TTC29: variants seen among roughly 807,000 people sequenced by gnomAD.
TTC29 encodes tetratricopeptide repeat protein 29.
Under a neutral mutation model 58.1 loss-of-function variants are expected in TTC29, and 49 were observed. That is an observed-to-expected ratio of 0.84 (90% CI 0.67 to 1.07). TTC29 has a LOEUF of 1.07. Among genes scored for constraint, TTC29 ranks in the 50% least tolerant of loss-of-function variants. TTC29 has a pLI of 0.00. For missense variants in TTC29, 582 were observed against 555.6 expected, an observed-to-expected ratio of 1.05 and a Z score of -0.48; for synonymous variants, 209 against 196.8, an observed-to-expected ratio of 1.06 and a Z score of -0.52.
chr4:146,931,866 A>C (rs1396017447), intron 4 of TTC29, among the ~76,000 whole-genome samples: 1 of 152,190 alleles, frequency 6.6e-6, no homozygotes, highest in African/African-American at 2.4e-5. Flanking sequence ...TTTTGTACCT[A>C]GTGAACATTG....
chr4:146,819,540 T>C (rs1358569045), intron 10 of TTC29, among the ~76,000 whole-genome samples: 2 of 152,234 alleles, frequency 1.3e-5, no homozygotes, highest in Non-Finnish European at 1.5e-5. Flanking sequence ...CAAAAGTCCA[T>C]TGTGACCAGT....
intron 11 of TTC29, among the ~76,000 whole-genome samples, chr4:146,787,210 T>A (rs1749089195): frequency 1.3e-5 from 2 of 152,198 alleles, no homozygotes; most frequent in South Asian, 4.1e-4. Flanking sequence ...TGATGGTACA[T>A]GAATAGCATC....
intron 6 of TTC29, among the ~76,000 whole-genome samples, chr4:146,879,857 A>G (rs998228089): frequency 3.3e-5 from 5 of 152,198 alleles, no homozygotes; most frequent in Admixed American, 6.6e-5. Flanking sequence ...GGACAAAAAA[A>G]GAAGGCCTGG....
chr4:146,786,139 AGTT>A (rs1001828964), intron 11 of TTC29, among the ~76,000 whole-genome samples: 5 of 152,248 alleles, frequency 3.3e-5, no homozygotes, highest in Admixed American at 2.6e-4. Flanking sequence ...TTATGAGTGG[AGTT>A]GTTTTCTGAA....
At position 146,718,093 on chromosome 4, in the gene TTC29, T is replaced by A. The variant is rs74711175; in HGVS notation, c.1331-10542A>T. Among the ~76,000 whole-genome samples, 657 of 152,278 alleles carry A rather than the reference T, an allele frequency of 4.3e-3. 5 individuals carry two copies. Among genetic ancestry groups the A allele is most frequent in the African/African-American group, 0.015 (630 of 41,586 alleles). ...TCATTTTTTAAGGCTGAATAATACT[T>A]CATTATATATATATCACATTTTCTT... On this transcript the variant is annotated intron_variant, in intron 11 of 12. Transcript: ENST00000325106.
At chr4:146,920,378 A>C (rs1734500518) in intron 4 of TTC29, among the ~76,000 whole-genome samples, 1 of 151,148 alleles carries the variant, frequency 6.6e-6, no homozygotes, top group South Asian at 2.1e-4. Context: ...AACATATTAA[A>C]AATAATGGCA....
chr4:146,901,661 C>A (rs1237157308), intron 6 of TTC29, among the ~76,000 whole-genome samples: 3 of 152,164 alleles, frequency 2.0e-5, no homozygotes, highest in African/African-American at 7.2e-5. Context: ...TGCATCTTCC[C>A]TCTGGAACCC....
At chr4:146,931,148 A>C (rs1475247966) in intron 4 of TTC29, among the ~76,000 whole-genome samples, 1 of 152,010 alleles carries the variant, frequency 6.6e-6, no homozygotes, top group Non-Finnish European at 1.5e-5. Flanking sequence ...TTGAAGTTCA[A>C]TCTGGGCAAC....
chr4:146,793,267 A>C (rs1579686091), intron 11 of TTC29, among the ~76,000 whole-genome samples: 1 of 152,294 alleles, frequency 6.6e-6, no homozygotes. Context: ...TGAAAGGAAG[A>C]GTCAATCAAT....
chr4:146,782,069 A>G (rs1346572531), intron 11 of TTC29, among the ~76,000 whole-genome samples: 1 of 151,938 alleles, frequency 6.6e-6, no homozygotes, highest in East Asian at 1.9e-4. Flanking sequence ...GCCAATGAAA[A>G]CATGGCATTT....
chr4:146,784,577 G>T (rs1430684715), intron 11 of TTC29, among the ~76,000 whole-genome samples: 1 of 152,142 alleles, frequency 6.6e-6, no homozygotes, highest in East Asian at 1.9e-4. Flanking sequence ...AAAGACCCAA[G>T]AGGGCTCATT....
intron 8 of TTC29, among the ~76,000 whole-genome samples, chr4:146,848,283 T>C (rs538149857): frequency 1.3e-5 from 2 of 152,304 alleles, no homozygotes; most frequent in Non-Finnish European, 2.9e-5. Flanking sequence ...AAATTCAAGA[T>C]ATACTTCCAC....
chr4:146,759,441 C>G (rs1017563590), intron 11 of TTC29, among the ~76,000 whole-genome samples: 1 of 152,026 alleles, frequency 6.6e-6, no homozygotes, highest in Non-Finnish European at 1.5e-5. Context: ...TCTATGAAGC[C>G]AGCATAACCC....
intron 9 of TTC29, among the ~76,000 whole-genome samples, chr4:146,821,546 C>T (rs140134352): frequency 8.9e-4 from 136 of 152,266 alleles, no homozygotes; most frequent in African/African-American, 3.1e-3. Context: ...ACAAGTGTTA[C>T]ATATCCTCAC....
At chr4:146,850,189 A>C (rs567473489) in intron 8 of TTC29, among the ~76,000 whole-genome samples, 1 of 152,340 alleles carries the variant, frequency 6.6e-6, no homozygotes, top group East Asian at 1.9e-4. Context: ...TATGTTCTTA[A>C]GACTACATGT....
chr4:146,717,815 A>C (rs1043827312), intron 11 of TTC29, among the ~76,000 whole-genome samples: 1 of 152,158 alleles, frequency 6.6e-6, no homozygotes, highest in Non-Finnish European at 1.5e-5. Flanking sequence ...TATATTTACC[A>C]TGATGTGCAA....
chr4:146,744,373 G>T (rs1038754524), intron 11 of TTC29, among the ~76,000 whole-genome samples: 3 of 150,838 alleles, frequency 2.0e-5, no homozygotes, highest in Non-Finnish European at 3.0e-5. Context: ...TCTCTTAAAA[G>T]AGAGAGAGAG....
At chr4:146,927,926 A>G (rs2150313647) in intron 4 of TTC29, among the ~76,000 whole-genome samples, 1 of 152,312 alleles carries the variant, frequency 6.6e-6, no homozygotes, top group East Asian at 1.9e-4. Flanking sequence ...TGATGCACAT[A>G]CGAGCAGAGC....
intron 4 of TTC29, among the ~76,000 whole-genome samples, chr4:146,915,480 G>A (rs1279000966): frequency 6.6e-6 from 1 of 151,994 alleles, no homozygotes; most frequent in African/African-American, 2.4e-5. Context: ...TCCAGGAAGA[G>A]CAAATTAAAT....
Sources: allele counts gnomAD v4.1 joint callset (sites outside exome capture counted in the v4.1 genomes callset), GRCh38; gene constraint gnomAD v4.1.1; transcripts MANE v1.5; gene names NCBI Gene and HGNC (gene_info 2026-07-23, HGNC 2026-07-21).